Variants in TOPAZ1 observed in about 807,000 individuals in gnomAD.
TOPAZ1 encodes protein TOPAZ1.
Under a neutral mutation model 172.2 loss-of-function variants are expected in TOPAZ1, and 66 were observed. That is an observed-to-expected ratio of 0.38 (90% CI 0.31 to 0.47). The LOEUF (loss-of-function observed/expected upper bound fraction) is 0.47. Ranked by LOEUF, TOPAZ1 falls within the 20% of genes least tolerant of loss-of-function variation. The pLI is 0.99. For missense variants in TOPAZ1, 1,822 were observed against 1,972.4 expected (o/e 0.92, Z 1.44); for synonymous variants, 681 against 683.9 (o/e 1.00, Z 0.07).
chr3:44,253,465 A>T (rs980811725), intron 2 of TOPAZ1, among the ~76,000 whole-genome samples: 2 of 152,172 alleles, frequency 1.3e-5, no homozygotes, highest in African/African-American at 4.8e-5. Context: ...GGTTCATCAG[A>T]TGGGGGTGAG....
chr3:44,265,685 C>T, intron 5 of TOPAZ1, among the ~76,000 whole-genome samples: 1 of 152,184 alleles, frequency 6.6e-6, no homozygotes, highest in East Asian at 1.9e-4. Flanking sequence ...CAATAGCTCT[C>T]AACAGTGGGC....
intron 4 of TOPAZ1, among the ~76,000 whole-genome samples, chr3:44,259,362 C>T (rs56658339): frequency 1.2e-3 from 178 of 152,248 alleles, no homozygotes; most frequent in African/African-American, 4.0e-3. Flanking sequence ...GATTCTCTGC[C>T]ATTTCTCAAA....
intron 16 of TOPAZ1, among the ~76,000 whole-genome samples, chr3:44,313,970 T>G (rs1700424853): frequency 6.6e-6 from 1 of 152,216 alleles, no homozygotes; most frequent in African/African-American, 2.4e-5. Flanking sequence ...ACAATTAGTA[T>G]TATTATTTTT....
intron 2 of TOPAZ1, among the ~76,000 whole-genome samples, chr3:44,253,186 T>C (rs1699655196): frequency 6.6e-6 from 1 of 152,186 alleles, no homozygotes; most frequent in Non-Finnish European, 1.5e-5. Flanking sequence ...TGAGGAGCTG[T>C]TAATAATATG....
rs1225415576 is a variant in TOPAZ1 at position 44,256,160 on chromosome 3, T to C, written c.2837T>C (p.Ile946Thr). 1 of 1,504,636 alleles carries C rather than the reference T, an allele frequency of 6.6e-7. No homozygotes were observed. Among genetic ancestry groups the C allele is most frequent in the Non-Finnish European group, 8.8e-7 (1 of 1,132,570 alleles). The allele number at this position is 1,504,636 out of a possible 1,614,324, so 93.2% of individuals were successfully genotyped here. The stretch of plus-strand genomic sequence containing the variant: ...TATTATTTCTTTTCAGAAAGTGAAA[T>C]AAAACGTGATCCCAAAGATGTAAAC... ...ICASNSAESE[I>T]KRDPKDVNTS... The change falls in exon 4 of 20, where the codon ATA (isoleucine) becomes ACA (threonine). Residue 946 changes from isoleucine (I) to threonine (T), a missense_variant. By Grantham distance (89) the Ile-to-Thr change is moderately conservative. Transcript: ENST00000309765.
chr3:44,336,614 G>GCCCTCA (rs952532417), downstream of TOPAZ1, among the ~76,000 whole-genome samples: 9 of 152,234 alleles, frequency 5.9e-5, no homozygotes, highest in East Asian at 1.9e-4. Flanking sequence ...CCTTGCTCTC[G>GCCCTCA]CCCTCACCCT....
At chr3:44,308,077 C>T (rs1221211971) in intron 15 of TOPAZ1, among the ~76,000 whole-genome samples, 1 of 152,126 alleles carries the variant, frequency 6.6e-6, no homozygotes, top group Non-Finnish European at 1.5e-5. Context: ...AGTTCAAGAC[C>T]AGCCTAGCCA....
chr3:44,297,169 CA>C (rs35773194), intron 12 of TOPAZ1, among the ~76,000 whole-genome samples: 85 of 135,524 alleles, frequency 6.3e-4, no homozygotes, highest in Non-Finnish European at 9.7e-4. Flanking sequence ...AAGTCTGTCT[CA>C]AAAAAAAAAA....
downstream of TOPAZ1, among the ~76,000 whole-genome samples, chr3:44,333,119 C>T (rs926204678): frequency 2.0e-5 from 3 of 151,850 alleles, no homozygotes; most frequent in African/African-American, 7.3e-5. Context: ...CCACCGTGCC[C>T]AGCTGGACCA....
chr3:44,315,313 A>T (rs534810253), intron 16 of TOPAZ1, among the ~76,000 whole-genome samples: 1 of 152,198 alleles, frequency 6.6e-6, no homozygotes, highest in South Asian at 2.1e-4. Context: ...GCATATAAAC[A>T]ATGTTAATAT....
At chr3:44,264,606 A>T (rs1188265865) in intron 5 of TOPAZ1, among the ~76,000 whole-genome samples, 1 of 152,168 alleles carries the variant, frequency 6.6e-6, no homozygotes, top group Non-Finnish European at 1.5e-5. Flanking sequence ...GACAACAATG[A>T]AGTTTGCTGC....
At chr3:44,308,549 C>T (rs1327686249) in intron 15 of TOPAZ1, among the ~76,000 whole-genome samples, 1 of 151,948 alleles carries the variant, frequency 6.6e-6, no homozygotes, top group Non-Finnish European at 1.5e-5. Flanking sequence ...TGGGTTGATT[C>T]CAAGTCTTTG....
intron 8 of TOPAZ1, among the ~76,000 whole-genome samples, chr3:44,281,204 A>G (rs1227491648): frequency 6.6e-6 from 1 of 152,150 alleles, no homozygotes; most frequent in Non-Finnish European, 1.5e-5. Flanking sequence ...AACTAAGCAA[A>G]TGCATTTTCT....
chr3:44,250,716 A>G (rs1394653223), intron 2 of TOPAZ1, among the ~76,000 whole-genome samples: 1 of 152,158 alleles, frequency 6.6e-6, no homozygotes, highest in African/African-American at 2.4e-5. Flanking sequence ...ACCGCAGAAC[A>G]TTATTTCACT....
Position 44,254,049 on chromosome 3 carries a change from G to A in TOPAZ1, c.2766-919G>A, listed in dbSNP as rs540472585. 3.2e-4 allele frequency among the ~76,000 whole-genome samples: 48 copies of A among 152,318 alleles called. No individual in the cohort carries two copies. In the South Asian group the frequency reaches 7.5e-3, roughly 24 times the overall value. ...AGTTTTCATCTGTTGGGCCTATGCT[G>A]TTGGCTTTAAGGACATCTTATCTCA... On this transcript the variant is annotated intron_variant, in intron 2 of 19. Transcript: ENST00000309765.
chr3:44,257,576 A>G (rs1055946453), intron 4 of TOPAZ1, among the ~76,000 whole-genome samples: 2 of 150,710 alleles, frequency 1.3e-5, no homozygotes, highest in East Asian at 1.9e-4. Flanking sequence ...TAGGTTTACC[A>G]TGGTAGTAAT....
chr3:44,303,479 C>CTTTTTTTTTT (rs34565826), intron 12 of TOPAZ1, among the ~76,000 whole-genome samples: 8 of 109,938 alleles, frequency 7.3e-5, no homozygotes, highest in Admixed American at 9.6e-5. Flanking sequence ...TGCTTGCTTG[C>CTTTTTTTTTT]TTTTTTTTTT....
downstream of TOPAZ1, among the ~76,000 whole-genome samples, chr3:44,334,271 C>G (rs1700701149): frequency 6.6e-6 from 1 of 152,146 alleles, no homozygotes; most frequent in Admixed American, 6.5e-5. Context: ...ATATTTGACC[C>G]TTTCGAATCC....
intron 13 of TOPAZ1, 92 bp from the exon 14 acceptor site, chr3:44,305,055 C>G (rs1700318860): frequency 6.7e-6 from 6 of 901,074 alleles, no homozygotes; most frequent in Non-Finnish European, 6.6e-6. Context: ...ATATCTAATG[C>G]CTAAACATGC....
Sources: allele counts gnomAD v4.1 joint callset (sites outside exome capture counted in the v4.1 genomes callset), GRCh38; gene constraint gnomAD v4.1.1; transcripts MANE v1.5; gene names NCBI Gene and HGNC (gene_info 2026-07-23, HGNC 2026-07-21).